Variants in NR5A2 observed in about 807,000 individuals in gnomAD.
NR5A2 encodes the protein nuclear receptor subfamily 5 group A member 2.
Under a neutral mutation model 62.7 loss-of-function variants are expected in NR5A2, and 26 were observed. The ratio of observed to expected loss-of-function variants is 0.41; its 90% CI spans 0.30 to 0.58. NR5A2 has a LOEUF of 0.58. NR5A2 is among the 20% of genes least tolerant of loss of function. The probability of loss-of-function intolerance (pLI) is 0.22; values close to 1 mark genes in which losing one functional copy is unlikely to be tolerated. For missense variants in NR5A2, 541 were observed against 669.1 expected, an observed-to-expected ratio of 0.81 and a Z score of 2.11; for synonymous variants, 246 against 241.7, an observed-to-expected ratio of 1.02 and a Z score of -0.16.
Position 200,111,306 on chromosome 1 carries a change from G to A in NR5A2, c.1215G>A (p.Leu405=). ...VVHGKEGSIF[L]VTGQQVDYSI... is the part of the protein sequence containing the mutation. ...ATGGAAAGGAAGGATCCATCTTCCT[G>A]GTTACTGGGCAACAAGTGAGTGTAG... Residue 405 remains leucine (L), a synonymous_variant, in exon 6 of 8, where the codon CTG becomes CTA. Coordinates refer to ENST00000367362, the MANE Select transcript of NR5A2 (RefSeq NM_205860.3). The A allele has an allele frequency of 6.2e-7, 1 of 1,607,864 alleles. No homozygotes were observed. The highest frequency in any genetic ancestry group is 8.5e-7 in the Non-Finnish European group (1 of 1,177,726).
intron 5 of NR5A2, 95 bp from the exon 6 acceptor site, chr1:200,111,107 C>T (rs1373262795): frequency 5.7e-6 from 8 of 1,408,654 alleles, no homozygotes; most frequent in African/African-American, 1.4e-5. Flanking sequence ...TATATGTAGT[C>T]CTCTTATGTT....
At chr1:200,045,334 G>A (rs1420137587) in intron 3 of NR5A2, 109 bp from the exon 4 acceptor site, 4 of 956,854 alleles carry the variant, frequency 4.2e-6, no homozygotes, top group African/African-American at 1.7e-5. Context: ...CCACATAAGG[G>A]CTCAAATAGT....
chr1:200,060,188 A>T (rs1663133733), intron 5 of NR5A2, among the ~76,000 whole-genome samples: 1 of 151,932 alleles, frequency 6.6e-6, no homozygotes, highest in Non-Finnish European at 1.5e-5. Flanking sequence ...TTCTTACTTC[A>T]TTAACTCTTT....
intron 5 of NR5A2, among the ~76,000 whole-genome samples, chr1:200,062,900 G>C (rs1332123725): frequency 6.6e-6 from 1 of 152,148 alleles, no homozygotes; most frequent in Non-Finnish European, 1.5e-5. Flanking sequence ...TTATGGATCT[G>C]TTTGGCATGT....
At chr1:200,073,798 A>C (rs1663869699) in intron 5 of NR5A2, among the ~76,000 whole-genome samples, 1 of 152,218 alleles carries the variant, frequency 6.6e-6, no homozygotes, top group Admixed American at 6.5e-5. Flanking sequence ...TATGCCAGGC[A>C]CATTGCTAAG....
At chr1:200,059,195 CA>C (rs935019085) in intron 5 of NR5A2, among the ~76,000 whole-genome samples, 64 of 152,240 alleles carry the variant, frequency 4.2e-4, no homozygotes, top group African/African-American at 1.2e-3. Flanking sequence ...AGAACAGGAA[CA>C]GGGTCTTGTT....
intron 5 of NR5A2, among the ~76,000 whole-genome samples, chr1:200,070,908 A>C (rs1214420267): frequency 1.3e-5 from 2 of 152,164 alleles, no homozygotes; most frequent in African/African-American, 4.8e-5. Context: ...CTCAGGTAAA[A>C]GGGAGAATTC....
At chr1:200,143,386 C>G (rs1640621868) in intron 7 of NR5A2, among the ~76,000 whole-genome samples, 2 of 152,180 alleles carry the variant, frequency 1.3e-5, no homozygotes, top group Middle Eastern at 3.4e-3. Flanking sequence ...CACAGCTTAC[C>G]AAATCTATAG....
intron 7 of NR5A2, among the ~76,000 whole-genome samples, chr1:200,136,807 A>G (rs901202121): frequency 5.3e-5 from 8 of 152,194 alleles, no homozygotes; most frequent in Admixed American, 3.3e-4. Context: ...TTAAATGCTT[A>G]ATAATTCCCC....
rs1037829943 is a variant in NR5A2 at position 200,050,661 on chromosome 1, C to T, written c.1110+1843C>T. ...ATCCCAGCACTTTGGGAGGCCAAGG[C>T]GGGCGGATCACCTGAGGTCAGGAGT... On this transcript the variant is annotated intron_variant, in intron 5 of 7. Coordinates refer to ENST00000367362, the MANE Select transcript of NR5A2 (RefSeq NM_205860.3). 3.3e-5 allele frequency among the ~76,000 whole-genome samples: 5 copies of T among 152,244 alleles called. No individual in the cohort carries two copies. The South Asian group carries it at 1.0e-3, about 32-fold the overall frequency.
At chr1:200,130,749 C>A (rs960466198) in intron 7 of NR5A2, among the ~76,000 whole-genome samples, 3 of 152,200 alleles carry the variant, frequency 2.0e-5, no homozygotes, top group Non-Finnish European at 2.9e-5. Context: ...TGCTTTATTG[C>A]TGGCTTCCTC....
chr1:200,040,942 G>GGCTGTGAGAGTCCCCTAGA (rs1179040406), intron 2 of NR5A2, among the ~76,000 whole-genome samples: 1 of 152,248 alleles, frequency 6.6e-6, no homozygotes, highest in Non-Finnish European at 1.5e-5. Flanking sequence ...CTCTAGGTAG[G>GGCTGTGAGAGTCCCCTAGA]GCTGTGAGAG....
intron 7 of NR5A2, among the ~76,000 whole-genome samples, chr1:200,152,112 AAG>A (rs926735092): frequency 1.6e-4 from 24 of 152,334 alleles, no homozygotes; most frequent in African/African-American, 4.8e-4. Context: ...ACTGCTGAAA[AAG>A]AGAATGTATG....
intron 7 of NR5A2, among the ~76,000 whole-genome samples, chr1:200,153,594 G>A (rs568560850): frequency 7.9e-5 from 12 of 151,932 alleles, no homozygotes; most frequent in Non-Finnish European, 1.5e-4. Context: ...TCAACCTTAC[G>A]GCTCCCTGCC....
intron 5 of NR5A2, chr1:200,057,557 C>T (rs572613558): frequency 9.3e-6 from 3 of 321,394 alleles, no homozygotes; most frequent in Admixed American, 3.7e-5. Context: ...TGGCTCATGG[C>T]AACCTCCACC....
rs200682401 is a variant in NR5A2 at position 200,054,361 on chromosome 1, TA to T, written c.1110+5544del. On this transcript the variant is annotated intron_variant, in intron 5 of 7. Transcript: ENST00000367362. ...AAGAAGATTGGCTTTTTTTTTCAGT[TA>T]TTTTTTTTTTCACCTGTGTCTTGAA... 6.1e-3 allele frequency among the ~76,000 whole-genome samples: 897 copies of T among 148,152 alleles called. 2 individuals are homozygous for T. Among genetic ancestry groups the T allele is most frequent in the Non-Finnish European group, 0.01 (671 of 66,992 alleles).
At chr1:200,091,415 GC>G (rs2102253398) in intron 5 of NR5A2, among the ~76,000 whole-genome samples, 1 of 151,850 alleles carries the variant, frequency 6.6e-6, no homozygotes, top group Admixed American at 6.6e-5. Context: ...TGATCTGCTG[GC>G]CACTGGTGGA....
chr1:200,069,619 A>ATT (rs779474514), intron 5 of NR5A2, among the ~76,000 whole-genome samples: 15 of 152,234 alleles, frequency 9.9e-5, no homozygotes, highest in Non-Finnish European at 2.2e-4. Flanking sequence ...CTATTATCTA[A>ATT]TTAGGAAACT....
chr1:200,170,309 C>G (rs1168373012), intron 7 of NR5A2, among the ~76,000 whole-genome samples: 1 of 152,178 alleles, frequency 6.6e-6, no homozygotes, highest in African/African-American at 2.4e-5. Flanking sequence ...TTGCATTAAA[C>G]ATGCTTTCCC....
Sources: gnomAD v4.1 joint callset for allele counts (sites outside exome capture counted in the v4.1 genomes callset) on GRCh38, gnomAD v4.1.1 for gene constraint, MANE v1.5 for transcripts, NCBI Gene and HGNC (gene_info 2026-07-23, HGNC 2026-07-21) for gene names.